Variants in ADGRD1 observed in about 807,000 individuals in gnomAD.
ADGRD1 encodes adhesion G protein-coupled receptor D1, also known as G-protein coupled receptor 133.
ADGRD1 carries 77 observed loss-of-function variants against 113.4 expected under a neutral mutation model. That is an observed-to-expected ratio of 0.68 (90% confidence interval 0.57 to 0.82). ADGRD1 has a LOEUF of 0.82. ADGRD1 is among the 40% of genes least tolerant of loss of function. ADGRD1 has a pLI of 0.00. For synonymous variants in ADGRD1, 474 were observed against 475.0 expected (o/e 1.00, Z 0.03); for missense variants, 1,036 against 1,139.1 (o/e 0.91, Z 1.30).
chr12:130,987,490 C>T, intron 6 of ADGRD1, 141 bp downstream of exon 6: 3 of 851,208 alleles, frequency 3.5e-6, no homozygotes, highest in Non-Finnish European at 5.4e-6. Context: ...CTTATAAACA[C>T]AGTTGTGTGT....
chr12:131,004,940 C>G (rs959601723), intron 11 of ADGRD1, among the ~76,000 whole-genome samples: 1 of 152,230 alleles, frequency 6.6e-6, no homozygotes, highest in Non-Finnish European at 1.5e-5. Flanking sequence ...GCAGACATCT[C>G]CTTCCTCTCC....
intron 13 of ADGRD1, among the ~76,000 whole-genome samples, chr12:131,065,804 T>C (rs1002862771): frequency 2.0e-5 from 3 of 152,026 alleles, no homozygotes; most frequent in Non-Finnish European, 2.9e-5. Flanking sequence ...CCACATAAGG[T>C]AGGATAAAAG....
At chr12:131,076,932 C>G in intron 14 of ADGRD1, 58 bp downstream of exon 14, 1 of 1,353,252 alleles carries the variant, frequency 7.4e-7, no homozygotes, top group Admixed American at 1.7e-5. Flanking sequence ...CAGGCCCGCC[C>G]CATGCCAGCC....
At chr12:131,007,428 GAT>G (rs1877270125) in intron 12 of ADGRD1, among the ~76,000 whole-genome samples, 1 of 152,242 alleles carries the variant, frequency 6.6e-6, no homozygotes, top group African/African-American at 2.4e-5. Context: ...CCCTCTATTA[GAT>G]CAGCGCTGGC....
chr12:131,068,942 C>T (rs1884936965), intron 13 of ADGRD1, among the ~76,000 whole-genome samples: 1 of 152,220 alleles, frequency 6.6e-6, no homozygotes, highest in South Asian at 2.1e-4. Flanking sequence ...CAGTAGTGCC[C>T]TTCGGCAGGT....
chr12:131,069,341 G>A (rs1884973934), intron 13 of ADGRD1: 1 of 152,216 alleles, frequency 6.6e-6, no homozygotes, highest in South Asian at 2.1e-4. Context: ...GAACCAGGAT[G>A]TCTTGACCTG....
chr12:131,081,063 T>G (rs995425333), intron 14 of ADGRD1, among the ~76,000 whole-genome samples: 4 of 152,238 alleles, frequency 2.6e-5, no homozygotes, highest in African/African-American at 9.6e-5. Flanking sequence ...TGCGTTACTT[T>G]GAAGTCTACT....
At chr12:130,972,704 T>C (rs1331619483) in intron 4 of ADGRD1, among the ~76,000 whole-genome samples, 1 of 151,546 alleles carries the variant, frequency 6.6e-6, no homozygotes, top group Non-Finnish European at 1.5e-5. Flanking sequence ...CTTCCTTGCA[T>C]TGGATTCGGG....
At chr12:130,995,504 G>A (rs956156161) in intron 8 of ADGRD1, among the ~76,000 whole-genome samples, 71 of 152,160 alleles carry the variant, frequency 4.7e-4, no homozygotes, top group African/African-American at 1.7e-3. Context: ...TGGCTTCAGG[G>A]GCCAAAGGAA....
At chr12:131,036,293 T>TCACTCACTGCACC (rs1163134852) in intron 13 of ADGRD1, among the ~76,000 whole-genome samples, 18 of 147,382 alleles carry the variant, frequency 1.2e-4, no homozygotes, top group Admixed American at 8.7e-4. Flanking sequence ...CTCACTGCAC[T>TCACTCACTGCACC]GGGCCTCACT....
intron 13 of ADGRD1, among the ~76,000 whole-genome samples, chr12:131,024,941 G>A (rs573145758): frequency 1.3e-5 from 2 of 152,304 alleles, no homozygotes; most frequent in East Asian, 1.9e-4. Context: ...GGGCAGGGAC[G>A]GCATGGTGGC....
intron 11 of ADGRD1, among the ~76,000 whole-genome samples, 200 bp from the exon 12 acceptor site, chr12:131,005,772 A>C (rs1382477060): frequency 1.3e-5 from 2 of 150,466 alleles, no homozygotes; most frequent in Non-Finnish European, 2.9e-5. Flanking sequence ...GGGATGGAGC[A>C]GGGATCCACC....
At position 130,965,581 on chromosome 12, in the gene ADGRD1, C is replaced by T. The variant is rs971426541; in HGVS notation, c.104-882C>T. 4.6e-5 allele frequency among the ~76,000 whole-genome samples: 7 copies of T among 151,780 alleles called. No individual in the cohort carries two copies. The highest frequency in any genetic ancestry group is 7.3e-5 in the African/African-American group (3 of 41,280). On this transcript the variant is annotated intron_variant, in intron 2 of 24. Coordinates refer to ENST00000261654, the MANE Select transcript of ADGRD1 (RefSeq NM_198827.5). The surrounding 1 kb of genome is among the most constrained non-coding windows in gnomAD (Gnocchi z 4.8). ...GCCACTCATGTCAGCGCCACCTGTACGAATAAGGATGGAAGCTATTGATTG... is the reference window on the plus strand; with the variant it reads ...GCCACTCATGTCAGCGCCACCTGTATGAATAAGGATGGAAGCTATTGATTG...
intron 9 of ADGRD1, chr12:131,002,749 C>G: frequency 7.9e-7 from 1 of 1,257,968 alleles, no homozygotes; most frequent in Non-Finnish European, 1.0e-6. Context: ...AAGCAGCCAC[C>G]CTTCATGGAG....
intron 4 of ADGRD1, among the ~76,000 whole-genome samples, chr12:130,975,735 A>T (rs1872227153): frequency 6.6e-6 from 1 of 152,250 alleles, no homozygotes; most frequent in Admixed American, 6.5e-5. Flanking sequence ...GTTATTTGAT[A>T]TAACAAGTAA....
In ADGRD1 at chr12:131,060,707, C is replaced by T. The variant is rs1362212310; in HGVS notation, c.1474-16094C>T. Among the ~76,000 whole-genome samples, 2 of 152,218 alleles carry T rather than the reference C, an allele frequency of 1.3e-5. No individual in the cohort carries two copies. Among genetic ancestry groups the T allele is most frequent in the Admixed American group, 6.5e-5 (1 of 15,282 alleles). ...TGACACCTGATGGTTCTGTGTCTTC[C>T]ATCTTCCCTCACGTATCAGTAGCTA... On this transcript the variant is annotated intron_variant, in intron 13 of 24. Transcript: ENST00000261654. This position sits in a 1 kb window ranked among gnomAD's most constrained non-coding sequence, Gnocchi z 4.4.
At chr12:130,961,703 A>G (rs1870379648) in intron 2 of ADGRD1, among the ~76,000 whole-genome samples, 1 of 152,122 alleles carries the variant, frequency 6.6e-6, no homozygotes, top group African/African-American at 2.4e-5. Flanking sequence ...TTGTAGGACT[A>G]TGAGTTATTT....
At position 131,027,915 on chromosome 12, in the gene ADGRD1, C is replaced by T. The variant is rs1566042994; in HGVS notation, c.1473+13575C>T. ...AGCACCATGGAATGCCTTTTCCAGA[C>T]GCCAGCAGAACAGAGCTGCCGGATG... On this transcript the variant is annotated intron_variant, in intron 13 of 24. Transcript: ENST00000261654. The surrounding 1 kb of genome is among the most constrained non-coding windows in gnomAD (Gnocchi z 5.1). 6.6e-6 allele frequency: 1 copy of T among 152,208 alleles called. No homozygotes were observed. Among genetic ancestry groups the T allele is most frequent in the Non-Finnish European group, 1.5e-5 (1 of 68,044 alleles). 9.4% of individuals were successfully genotyped at this position (152,208 alleles called of 1,614,324 possible).
chr12:131,071,590 C>A (rs931336544), intron 13 of ADGRD1, among the ~76,000 whole-genome samples: 2 of 152,188 alleles, frequency 1.3e-5, no homozygotes, highest in Admixed American at 1.3e-4. Flanking sequence ...AGGATGGAAC[C>A]TCTCCACACA....
Sources: allele counts gnomAD v4.1 joint callset (sites outside exome capture counted in the v4.1 genomes callset), GRCh38; gene constraint gnomAD v4.1.1; non-coding constraint Gnocchi (gnomAD v3.1); transcripts MANE v1.5; gene names NCBI Gene and HGNC (gene_info 2026-07-23, HGNC 2026-07-21).